The following MEIS1 variants were observed in gnomAD, a reference collection of about 807,000 sequenced individuals.
MEIS1 encodes homeobox protein Meis1.
MEIS1 carries 5 observed loss-of-function variants against 50.8 expected under a neutral mutation model. The observed-to-expected ratio is 0.10, with a 90% CI of 0.05 to 0.21. The LOEUF (loss-of-function observed/expected upper bound fraction) is 0.21, where lower values mean the gene tolerates loss of function less well. Among genes scored for constraint, MEIS1 ranks in the 10% least tolerant of loss-of-function variants. MEIS1 has a pLI of 1.00. For missense variants in MEIS1, 318 were observed against 517.3 expected (o/e 0.61, Z 3.74); for synonymous variants, 176 against 179.3 (o/e 0.98, Z 0.15).
chr2:66,538,086 G>A (rs565853347), intron 8 of MEIS1, among the ~76,000 whole-genome samples: 2 of 152,284 alleles, frequency 1.3e-5, no homozygotes, highest in Middle Eastern at 3.4e-3. Context: ...TTGCATTGAA[G>A]TTAGAGAGTA....
At chr2:66,483,418 T>C (rs1203269516) in intron 7 of MEIS1, among the ~76,000 whole-genome samples, 1 of 152,138 alleles carries the variant, frequency 6.6e-6, no homozygotes, top group African/African-American at 2.4e-5. Flanking sequence ...TTCCAAGAAA[T>C]TGAGAATCTA....
intron 7 of MEIS1, among the ~76,000 whole-genome samples, chr2:66,472,248 G>C (rs1478641846): frequency 6.6e-6 from 1 of 152,200 alleles, no homozygotes; most frequent in East Asian, 1.9e-4. Flanking sequence ...TTCACATGGT[G>C]TCATTCTTGG....
chr2:66,511,350 T>C (rs1673825651), intron 7 of MEIS1, among the ~76,000 whole-genome samples: 1 of 152,248 alleles, frequency 6.6e-6, no homozygotes, highest in South Asian at 2.1e-4. Context: ...AATGTTATAA[T>C]AAAAATCAAT....
At chr2:66,470,734 T>G (rs889175608) in intron 7 of MEIS1, among the ~76,000 whole-genome samples, 1 of 152,194 alleles carries the variant, frequency 6.6e-6, no homozygotes, top group Admixed American at 6.5e-5. Context: ...TGAAATTATT[T>G]ACAGCCGAGT....
rs7585629 is a variant in MEIS1 at position 66,451,033 on chromosome 2, T to A, written c.630+7985T>A. Reference sequence around the variant, plus strand: ...TGTGGGTTATTACCCATATGTGGGTTTGTTTTCGTGAGAAAATGAAGAATG... The same window carrying A: ...TGTGGGTTATTACCCATATGTGGGTATGTTTTCGTGAGAAAATGAAGAATG... On this transcript the variant is annotated intron_variant, in intron 6 of 12. Transcript: ENST00000272369. Among the ~76,000 whole-genome samples the A allele has an allele frequency of 4.8e-3, 732 of 152,276 alleles. 7 individuals are homozygous for A. Among genetic ancestry groups the A allele is most frequent in the African/African-American group, 0.017 (703 of 41,558 alleles).
chr2:66,551,894 A>G (rs536128593), intron 9 of MEIS1, among the ~76,000 whole-genome samples: 1 of 152,108 alleles, frequency 6.6e-6, no homozygotes, highest in Non-Finnish European at 1.5e-5. Context: ...TGGTTTTAAC[A>G]AATACTTATG....
chr2:66,558,131 T>C (rs1209887111), intron 9 of MEIS1, among the ~76,000 whole-genome samples: 1 of 151,668 alleles, frequency 6.6e-6, no homozygotes, highest in Admixed American at 6.6e-5. Context: ...AATATAAAAT[T>C]AGCTGGGAGT....
At chr2:66,548,330 G>C (rs1202124596) in intron 9 of MEIS1, among the ~76,000 whole-genome samples, 2 of 151,884 alleles carry the variant, frequency 1.3e-5, no homozygotes, top group African/African-American at 4.8e-5. Flanking sequence ...CCCCCTTCAG[G>C]GTAATCGATA....
intron 7 of MEIS1, among the ~76,000 whole-genome samples, chr2:66,476,558 A>C (rs534337951): frequency 6.6e-6 from 1 of 152,314 alleles, no homozygotes; most frequent in Non-Finnish European, 1.5e-5. Flanking sequence ...TTAGTATATC[A>C]TAGGTTAAGT....
In MEIS1 at chr2:66,547,979, G is replaced by T; in HGVS notation, c.925G>T (p.Ala309Ser). Reference sequence around the variant, plus strand: ...TTCTGAAGAACAGAAAAAGCAGTTGGCACAAGACACGGGACTCACCATCCT... The same window carrying T: ...TTCTGAAGAACAGAAAAAGCAGTTGTCACAAGACACGGGACTCACCATCCT... ...YPSEEQKKQL[A>S]QDTGLTILQV... The change falls in exon 9 of 13, where the codon GCA (alanine) becomes TCA (serine). Residue 309 changes from alanine (A) to serine (S), a missense_variant. By Grantham distance (99) the Ala-to-Ser change is moderately conservative (BLOSUM62 1). This residue lies in a region of MEIS1 where 40 missense variants were observed against 102.8 expected (regional missense o/e 0.39). Transcript: ENST00000272369. The T allele has an allele frequency of 6.2e-7, 1 of 1,613,020 alleles. No homozygotes were observed.
At chr2:66,534,317 C>T (rs1339433077) in intron 8 of MEIS1, among the ~76,000 whole-genome samples, 4 of 152,098 alleles carry the variant, frequency 2.6e-5, no homozygotes, top group African/African-American at 7.2e-5. Context: ...GGGCGGATCA[C>T]GAGGTCAGGG....
At chr2:66,493,400 C>A (rs1673320945) in intron 7 of MEIS1, among the ~76,000 whole-genome samples, 2 of 152,082 alleles carry the variant, frequency 1.3e-5, no homozygotes, top group African/African-American at 4.8e-5. Context: ...TATAATATTT[C>A]CACCTTATTT....
At chr2:66,530,845 GT>G (rs1674374536) in intron 8 of MEIS1, among the ~76,000 whole-genome samples, 1 of 152,220 alleles carries the variant, frequency 6.6e-6, no homozygotes, top group Non-Finnish European at 1.5e-5. Context: ...TTTGGAGGAA[GT>G]TAACATGCAG....
intron 7 of MEIS1, among the ~76,000 whole-genome samples, chr2:66,484,962 T>C (rs561210096): frequency 9.2e-5 from 14 of 152,292 alleles, no homozygotes; most frequent in Admixed American, 2.6e-4. Context: ...GGATGGTACA[T>C]AGAAAATTTA....
At chr2:66,494,352 T>G (rs955748970) in intron 7 of MEIS1, among the ~76,000 whole-genome samples, 2 of 152,222 alleles carry the variant, frequency 1.3e-5, no homozygotes, top group Admixed American at 6.5e-5. Context: ...ACTTTTTTTC[T>G]GTAGAGAAAC....
chr2:66,541,451 A>G (rs17625694), intron 8 of MEIS1, among the ~76,000 whole-genome samples: 49,866 of 152,054 alleles, frequency 0.33, 8,749 homozygotes, highest in Non-Finnish European at 0.4. Flanking sequence ...ATTATCCAGC[A>G]TTCTACTTTT....
intron 7 of MEIS1, among the ~76,000 whole-genome samples, chr2:66,473,758 GT>G (rs1672824871): frequency 6.6e-6 from 1 of 151,998 alleles, no homozygotes; most frequent in Non-Finnish European, 1.5e-5. Context: ...TATAGCCCAG[GT>G]TAACAACTTC....
chr2:66,541,873 G>A (rs1264196437), intron 8 of MEIS1, among the ~76,000 whole-genome samples: 1 of 152,172 alleles, frequency 6.6e-6, no homozygotes, highest in East Asian at 1.9e-4. Flanking sequence ...CAAATAGGAG[G>A]CACAAAGTGT....
intron 11 of MEIS1, 61 bp from the exon 12 acceptor site, chr2:66,568,989 G>A: frequency 4.8e-6 from 7 of 1,460,990 alleles, no homozygotes; most frequent in Non-Finnish European, 6.7e-6. Context: ...GGGTCTTTTG[G>A]CACTATCTGT....
Sources: allele counts gnomAD v4.1 joint callset (sites outside exome capture counted in the v4.1 genomes callset), GRCh38; gene constraint gnomAD v4.1.1; regional missense constraint gnomAD v4.1.1; transcripts MANE v1.5; gene names NCBI Gene and HGNC (gene_info 2026-07-23, HGNC 2026-07-21).